The following MAP3K13 variants were observed in gnomAD, a reference collection of about 807,000 sequenced individuals.
The protein encoded by MAP3K13 is mitogen-activated protein kinase kinase kinase 13.
Under a neutral mutation model 104.0 loss-of-function variants are expected in MAP3K13, and 52 were observed. The observed-to-expected ratio is 0.50, with a 90% CI of 0.40 to 0.63. The LOEUF is 0.63. Among genes scored for constraint, MAP3K13 ranks in the 20% least tolerant of loss-of-function variants. MAP3K13 has a pLI of 0.00. For missense variants in MAP3K13, 914 were observed against 1,218.5 expected (o/e 0.75, Z 3.72); for synonymous variants, 394 against 442.2 (o/e 0.89, Z 1.37).
intron 2 of MAP3K13, among the ~76,000 whole-genome samples, chr3:185,306,043 ATCCTT>A (rs1283634167): frequency 6.6e-6 from 1 of 152,090 alleles, no homozygotes; most frequent in Non-Finnish European, 1.5e-5. Context: ...TTGGTTTTCT[ATCCTT>A]GTGTTAATTC....
At chr3:185,355,648 A>G (rs1489485508) in intron 2 of MAP3K13, among the ~76,000 whole-genome samples, 1 of 152,148 alleles carries the variant, frequency 6.6e-6, no homozygotes, top group Non-Finnish European at 1.5e-5. Flanking sequence ...AAAACCAACC[A>G]AACAAACAAA....
chr3:185,348,642 G>A (rs983887082), intron 2 of MAP3K13, among the ~76,000 whole-genome samples: 1 of 152,204 alleles, frequency 6.6e-6, no homozygotes, highest in Non-Finnish European at 1.5e-5. Context: ...GGCCTGGCCA[G>A]GCATGGTGGC....
chr3:185,285,695 A>G, intron 2 of MAP3K13: 2 of 1,435,644 alleles, frequency 1.4e-6, no homozygotes, highest in East Asian at 2.5e-5. Flanking sequence ...CCAATCTTAA[A>G]TTTGCCTAGG....
chr3:185,343,072 A>G (rs1386564069), intron 2 of MAP3K13, among the ~76,000 whole-genome samples: 2 of 152,182 alleles, frequency 1.3e-5, no homozygotes, highest in Non-Finnish European at 1.5e-5. Flanking sequence ...GTTCCCCAAC[A>G]TGGCCACTAG....
chr3:185,349,420 A>G (rs1723056932), intron 2 of MAP3K13, among the ~76,000 whole-genome samples: 1 of 151,268 alleles, frequency 6.6e-6, no homozygotes, highest in Admixed American at 6.6e-5. Flanking sequence ...CTCCAGCTGC[A>G]TCCATGTTGC....
chr3:185,454,887 T>TATATATGAGATATATATATG (rs1716306265), intron 7 of MAP3K13, among the ~76,000 whole-genome samples: 2 of 114,264 alleles, frequency 1.8e-5, no homozygotes, highest in Non-Finnish European at 3.4e-5. Flanking sequence ...ATATATGATA[T>TATATATGAGATATATATATG]ATATATGAGA....
intron 11 of MAP3K13, 137 bp from the exon 12 acceptor site, chr3:185,477,189 A>T: frequency 1.4e-6 from 1 of 714,184 alleles, no homozygotes. Flanking sequence ...ATGTATGTTT[A>T]AAGATGACAT....
rs2276738 is a variant in MAP3K13, at chr3:185,483,085, G to C, written c.*629G>C. On this transcript the variant is annotated 3_prime_UTR_variant, in exon 14 of 14. Transcript: ENST00000265026. ...CCAGGTGGCTTACGGAAATGACCTA[G>C]AAAAGTCTGGTGACCAGATACTTGC... 0.47 allele frequency: 109,813 copies of C among 232,422 alleles called. 26,426 individuals are homozygous for C. The highest frequency in any genetic ancestry group is 0.53 in the Middle Eastern group (418 of 782). 14.4% of individuals were successfully genotyped at this position (232,422 alleles called of 1,614,324 possible).
chr3:185,461,540 ACTGT>A (rs1300331785), intron 7 of MAP3K13, among the ~76,000 whole-genome samples: 8 of 152,034 alleles, frequency 5.3e-5, no homozygotes, highest in African/African-American at 1.7e-4. Flanking sequence ...AATGAGAGCT[ACTGT>A]CTTTTATTTT....
chr3:185,470,848 A>C (rs1454064072), intron 10 of MAP3K13, among the ~76,000 whole-genome samples: 1 of 152,230 alleles, frequency 6.6e-6, no homozygotes, highest in African/African-American at 2.4e-5. Flanking sequence ...ACTTCTCAAC[A>C]TAAGCTCCAT....
At chr3:185,455,935 TGA>T (rs1337207560) in intron 7 of MAP3K13, among the ~76,000 whole-genome samples, 2 of 144,584 alleles carry the variant, frequency 1.4e-5, no homozygotes, top group East Asian at 2.0e-4. Flanking sequence ...GATGTATATA[TGA>T]GATATATATA....
chr3:185,308,654 T>C (rs1721389701), intron 2 of MAP3K13, among the ~76,000 whole-genome samples: 1 of 152,232 alleles, frequency 6.6e-6, no homozygotes, highest in Non-Finnish European at 1.5e-5. Context: ...CAAAGTATTC[T>C]GGTTCTGTCA....
intron 2 of MAP3K13, among the ~76,000 whole-genome samples, chr3:185,327,963 GAGGGAAGAAAGGAAGGAAAGA>G (rs1158505818): frequency 4.4e-5 from 6 of 137,324 alleles, no homozygotes; most frequent in African/African-American, 2.6e-5. Flanking sequence ...GGGAGGGAGG[GAGGGAAGAAAGGAAGGAAAGA>G]AGGGGGAAGG....
chr3:185,392,890 A>T (rs926395817), intron 1 of MAP3K13, among the ~76,000 whole-genome samples: 5 of 152,002 alleles, frequency 3.3e-5, no homozygotes, highest in African/African-American at 1.2e-4. Flanking sequence ...CTCTATAAAA[A>T]AAAATACAAA....
At chr3:185,426,429 T>C (rs973268763) in intron 1 of MAP3K13, among the ~76,000 whole-genome samples, 6 of 152,256 alleles carry the variant, frequency 3.9e-5, no homozygotes, top group South Asian at 2.1e-4. Context: ...TCATGGGATA[T>C]GGTAATGAAT....
intron 3 of MAP3K13, 79 bp downstream of exon 3, chr3:185,437,709 G>C: frequency 7.3e-7 from 1 of 1,364,550 alleles, no homozygotes; most frequent in East Asian, 2.3e-5. Context: ...TCTGCTTTGA[G>C]AGATATTTCA....
At chr3:185,405,165 G>A (rs961683397) in intron 1 of MAP3K13, among the ~76,000 whole-genome samples, 38 of 152,130 alleles carry the variant, frequency 2.5e-4, no homozygotes, top group African/African-American at 8.5e-4. Context: ...ATGTGTCCCT[G>A]CCAATGAATG....
At chr3:185,331,404 C>G (rs1187851506) in intron 2 of MAP3K13, among the ~76,000 whole-genome samples, 2 of 151,056 alleles carry the variant, frequency 1.3e-5, no homozygotes, top group East Asian at 3.9e-4. Context: ...CTTTTCTTTT[C>G]TTTTCTTTTT....
chr3:185,455,740 T>TATATATATGATATATATATGAG (rs1716646721), intron 7 of MAP3K13, among the ~76,000 whole-genome samples: 1 of 42,518 alleles, frequency 2.4e-5, no homozygotes, highest in African/African-American at 5.8e-5. Flanking sequence ...ATATATGAGA[T>TATATATATGATATATATATGAG]ATATATATGA....
Sources: allele counts gnomAD v4.1 joint callset (sites outside exome capture counted in the v4.1 genomes callset), GRCh38; gene constraint gnomAD v4.1.1; transcripts MANE v1.5; gene names NCBI Gene and HGNC (gene_info 2026-07-23, HGNC 2026-07-21).